Variants in RALYL observed in about 807,000 individuals in gnomAD.
RALYL encodes the protein RALY RNA binding protein like, also known as RNA-binding Raly-like protein.
RALYL carries 29 observed loss-of-function variants against 35.1 expected under a neutral mutation model. That is an observed-to-expected ratio of 0.83 (90% CI 0.61 to 1.13). The LOEUF (loss-of-function observed/expected upper bound fraction) is 1.13. Ranked by LOEUF, RALYL falls within the 50% of genes most tolerant of loss-of-function variation. The pLI, the probability that RALYL is intolerant of heterozygous loss-of-function variation, is 0.00. For missense variants in RALYL, 359 were observed against 360.4 expected, an observed-to-expected ratio of 1.00 and a Z score of 0.03; for synonymous variants, 120 against 127.6, an observed-to-expected ratio of 0.94 and a Z score of 0.40.
At chr8:84,894,018 T>C (rs978337210) in intron 8 of RALYL, among the ~76,000 whole-genome samples, 5 of 152,150 alleles carry the variant, frequency 3.3e-5, no homozygotes, top group Admixed American at 1.3e-4. Flanking sequence ...TACCAGGTAT[T>C]GAATTTCTGT....
At chr8:84,457,068 A>AT (rs967116533) in intron 1 of RALYL, among the ~76,000 whole-genome samples, 1 of 151,826 alleles carries the variant, frequency 6.6e-6, no homozygotes, top group Non-Finnish European at 1.5e-5. Flanking sequence ...AAAACATCTA[A>AT]TTTTTTCCCC....
intron 4 of RALYL, among the ~76,000 whole-genome samples, chr8:84,844,972 G>T (rs1243944056): frequency 5.3e-5 from 8 of 151,902 alleles, no homozygotes; most frequent in African/African-American, 1.9e-4. Flanking sequence ...CTGTTGTGGG[G>T]TGGGGGAAGG....
chr8:84,321,782 A>ATTATTATTAT (rs2130415446), intron 1 of RALYL, among the ~76,000 whole-genome samples: 1 of 152,292 alleles, frequency 6.6e-6, no homozygotes, highest in Non-Finnish European at 1.5e-5. Context: ...CTCTAGTATA[A>ATTATTATTAT]TAATAAATTA....
intron 1 of RALYL, among the ~76,000 whole-genome samples, chr8:84,295,310 C>G (rs1293253980): frequency 6.6e-6 from 1 of 152,010 alleles, no homozygotes; most frequent in Admixed American, 6.6e-5. Flanking sequence ...TGATGTTTGT[C>G]ATTGAGGAGA....
In RALYL at chr8:84,844,842, A is replaced by G. The variant is rs540605420; in HGVS notation, c.366-5138A>G. ...AGGGACATGGATGAAGCTGGAAACC[A>G]TCATTCCCAGCAAACTATGGCAAGG... On this transcript the variant is annotated intron_variant, in intron 4 of 8. Coordinates refer to ENST00000521268, the MANE Select transcript of RALYL (RefSeq NM_173848.7). Among the ~76,000 whole-genome samples the G allele has an allele frequency of 2.6e-5, 4 of 152,328 alleles. No individual in the cohort carries two copies. The East Asian group carries it at 5.8e-4, about 22-fold the overall frequency.
chr8:84,194,031 G>A (rs1329833119), intron 1 of RALYL, among the ~76,000 whole-genome samples: 1 of 152,200 alleles, frequency 6.6e-6, no homozygotes, highest in East Asian at 1.9e-4. Context: ...TTAATAGAAT[G>A]AGAGTAGTGC....
At chr8:84,382,794 A>T (rs12334874) in intron 1 of RALYL, among the ~76,000 whole-genome samples, 8,761 of 151,598 alleles carry the variant, frequency 0.058, 289 homozygotes, top group Middle Eastern at 0.099. Flanking sequence ...ATATTCATTA[A>T]CTCTTCATGC....
intron 4 of RALYL, among the ~76,000 whole-genome samples, chr8:84,847,210 T>C (rs1400570346): frequency 6.6e-6 from 1 of 152,214 alleles, no homozygotes; most frequent in Non-Finnish European, 1.5e-5. Flanking sequence ...CAGATTCCCC[T>C]GCCAATTCAA....
At chr8:84,562,351 C>G (rs184897883) in intron 2 of RALYL, among the ~76,000 whole-genome samples, 9 of 151,974 alleles carry the variant, frequency 5.9e-5, no homozygotes, top group African/African-American at 2.2e-4. Context: ...TTTGGTCATA[C>G]CACTGATGTC....
At position 84,265,884 on chromosome 8, in the gene RALYL, T is replaced by C. The variant is rs566460418; in HGVS notation, c.-24+81460T>C. ...TATTGCAATATTTGAGTAGTTCCAA[T>C]TCTCATATTCATCCCTTTCTTTCCT... On this transcript the variant is annotated intron_variant, in intron 1 of 8. Coordinates refer to ENST00000521268, the MANE Select transcript of RALYL (RefSeq NM_173848.7). 5.9e-5 allele frequency among the ~76,000 whole-genome samples: 9 copies of C among 152,194 alleles called. No individual in the cohort carries two copies. The South Asian group carries it at 1.7e-3, about 28-fold the overall frequency.
At chr8:84,522,054 GA>G (rs2058499334) in intron 1 of RALYL, among the ~76,000 whole-genome samples, 3 of 151,958 alleles carry the variant, frequency 2.0e-5, no homozygotes, top group Admixed American at 2.0e-4. Context: ...GCTGTTGAAG[GA>G]AATACTATCA....
chr8:84,215,388 T>C (rs1820559832), intron 1 of RALYL, among the ~76,000 whole-genome samples: 1 of 152,142 alleles, frequency 6.6e-6, no homozygotes, highest in African/African-American at 2.4e-5. Context: ...AAAGAAAATA[T>C]TTTATACCTT....
At chr8:84,557,011 G>A (rs1441170892) in intron 2 of RALYL, among the ~76,000 whole-genome samples, 2 of 152,172 alleles carry the variant, frequency 1.3e-5, no homozygotes, top group Admixed American at 6.5e-5. Flanking sequence ...AAGCATTTAG[G>A]AGATACAGCC....
intron 1 of RALYL, among the ~76,000 whole-genome samples, chr8:84,322,573 G>A (rs1412068711): frequency 6.6e-6 from 1 of 152,056 alleles, no homozygotes; most frequent in Non-Finnish European, 1.5e-5. Flanking sequence ...TGACAGAGCC[G>A]AGATTTAAAG....
At chr8:84,515,777 A>AT (rs1011164671) in intron 1 of RALYL, among the ~76,000 whole-genome samples, 15 of 152,034 alleles carry the variant, frequency 9.9e-5, no homozygotes, top group African/African-American at 1.2e-4. Flanking sequence ...AGAAAAAAAT[A>AT]TTTTTCCAGC....
intron 1 of RALYL, among the ~76,000 whole-genome samples, chr8:84,185,918 C>A (rs1714890648): frequency 6.6e-6 from 1 of 152,140 alleles, no homozygotes; most frequent in Admixed American, 6.5e-5. Context: ...AGTTTTTACT[C>A]TTTGTGGTCA....
intron 2 of RALYL, among the ~76,000 whole-genome samples, chr8:84,723,837 C>A (rs901856562): frequency 6.6e-6 from 1 of 151,744 alleles, no homozygotes; most frequent in African/African-American, 2.4e-5. Flanking sequence ...CATTCCCCCA[C>A]CCAAACCTCT....
chr8:84,881,487 C>A (rs909432750), intron 7 of RALYL, among the ~76,000 whole-genome samples: 11 of 152,016 alleles, frequency 7.2e-5, no homozygotes, highest in African/African-American at 2.6e-4. Flanking sequence ...GCCAACTCAA[C>A]CAATTTTCAT....
At chr8:84,637,847 A>G (rs527535532) in intron 2 of RALYL, among the ~76,000 whole-genome samples, 1 of 151,990 alleles carries the variant, frequency 6.6e-6, no homozygotes, top group South Asian at 2.1e-4. Flanking sequence ...TAAGCTCATA[A>G]TTAGTACAGG....
Sources: allele counts gnomAD v4.1 joint callset (sites outside exome capture counted in the v4.1 genomes callset), GRCh38; gene constraint gnomAD v4.1.1; transcripts MANE v1.5; gene names NCBI Gene and HGNC (gene_info 2026-07-23, HGNC 2026-07-21).